The following GABRG3 variants were observed in gnomAD, a reference collection of about 807,000 sequenced individuals.
GABRG3 encodes the protein gamma-aminobutyric acid receptor subunit gamma-3.
Under a neutral mutation model 48.8 loss-of-function variants are expected in GABRG3, and 25 were observed. The ratio of observed to expected loss-of-function variants is 0.51; its 90% CI spans 0.37 to 0.72. GABRG3 has a LOEUF of 0.72. GABRG3 is among the 30% of genes least tolerant of loss of function. The probability of loss-of-function intolerance (pLI) is 0.00; values close to 1 mark genes in which losing one functional copy is unlikely to be tolerated. For missense variants in GABRG3, 394 were observed against 577.9 expected, an observed-to-expected ratio of 0.68 and a Z score of 3.26; for synonymous variants, 227 against 217.6, an observed-to-expected ratio of 1.04 and a Z score of -0.38.
At position 27,178,821 on chromosome 15, in the gene GABRG3, A is replaced by G. The variant is rs1887829509; in HGVS notation, c.271-147988A>G. Among the ~76,000 whole-genome samples, 3 of 152,222 alleles carry G rather than the reference A, an allele frequency of 2.0e-5. No individual in the cohort carries two copies. In the South Asian group the frequency reaches 6.2e-4, roughly 31 times the overall value. On this transcript the variant is annotated intron_variant, in intron 3 of 9. Transcript: ENST00000615808. Reference sequence around the variant, plus strand: ...CTGGGTATGAGGCAGGCCCCTCTCTAGAATGGGGGTCTGATGACCTACAGT... The same window carrying G: ...CTGGGTATGAGGCAGGCCCCTCTCTGGAATGGGGGTCTGATGACCTACAGT...
At chr15:27,355,617 A>G (rs115240522) in intron 5 of GABRG3, among the ~76,000 whole-genome samples, 1,539 of 152,388 alleles carry the variant, frequency 0.01, 32 homozygotes, top group African/African-American at 0.035. Flanking sequence ...TCAAATGTTA[A>G]GTATATAGCA....
chr15:27,340,585 G>T (rs1894137180), intron 5 of GABRG3: 1 of 154,156 alleles, frequency 6.5e-6, no homozygotes, highest in African/African-American at 2.4e-5. Context: ...TCTGTCAAAG[G>T]CAAATTTTGC....
chr15:27,065,516 A>G (rs60716804), intron 3 of GABRG3, among the ~76,000 whole-genome samples: 3,953 of 152,252 alleles, frequency 0.026, 153 homozygotes, highest in African/African-American at 0.076. Context: ...GTGAGTAGCC[A>G]GTGGGTCTCG....
chr15:27,068,653 G>C (rs1328608929), intron 3 of GABRG3, among the ~76,000 whole-genome samples: 1 of 152,236 alleles, frequency 6.6e-6, no homozygotes, highest in African/African-American at 2.4e-5. Context: ...GGCATGGATT[G>C]ATACTTGGAA....
chr15:27,169,418 G>GAA (rs1204288194), intron 3 of GABRG3, among the ~76,000 whole-genome samples: 1 of 152,142 alleles, frequency 6.6e-6, no homozygotes, highest in African/African-American at 2.4e-5. Context: ...GCCAGTGAGT[G>GAA]AAAGGAGGGG....
chr15:27,404,381 G>A (rs1005361648), intron 5 of GABRG3, among the ~76,000 whole-genome samples: 1 of 152,170 alleles, frequency 6.6e-6, no homozygotes, highest in Non-Finnish European at 1.5e-5. Flanking sequence ...CCTGCAGCAT[G>A]TCAGTGCTGT....
chr15:27,388,616 G>A (rs1197791087), intron 5 of GABRG3, among the ~76,000 whole-genome samples: 3 of 152,232 alleles, frequency 2.0e-5, no homozygotes, highest in South Asian at 4.1e-4. Flanking sequence ...AGAGCTGTGG[G>A]GTGCTGGGAT....
At chr15:27,440,666 C>G (rs191591961) in intron 5 of GABRG3, among the ~76,000 whole-genome samples, 1 of 152,150 alleles carries the variant, frequency 6.6e-6, no homozygotes, top group Non-Finnish European at 1.5e-5. Context: ...TGTATCACAC[C>G]GATGAGGTCT....
Position 27,511,838 on chromosome 15 carries a change from A to T in GABRG3, c.713-8134A>T, listed in dbSNP as rs531887654. ...TCCAATGGCAAACCGTTCTTACTTT[A>T]CACAGGTAGTCAATAATCTAATAGG... On this transcript the variant is annotated intron_variant, in intron 6 of 9. Transcript: ENST00000615808. Among the ~76,000 whole-genome samples the T allele has an allele frequency of 4.5e-4, 69 of 152,246 alleles. 1 individual carries two copies. Among genetic ancestry groups the T allele is most frequent in the Non-Finnish European group, 7.5e-4 (51 of 68,042 alleles).
chr15:26,982,593 A>G lies in GABRG3; in HGVS notation c.202+5443A>G, dbSNP rs577324445. On this transcript the variant is annotated intron_variant, in intron 2 of 9. Transcript: ENST00000615808. The stretch of plus-strand genomic sequence containing the variant: ...GTGCTGCCATGTGCAATAGGCAAGC[A>G]AAATTCACAATTCTAGAGATTTTTC... Among the ~76,000 whole-genome samples, 3 of 152,360 alleles carry G rather than the reference A, an allele frequency of 2.0e-5. No individual in the cohort carries two copies. In the East Asian group the frequency reaches 5.8e-4, roughly 29 times the overall value.
chr15:27,505,500 T>C (rs567025321), intron 6 of GABRG3, among the ~76,000 whole-genome samples: 100 of 152,194 alleles, frequency 6.6e-4, no homozygotes, highest in Admixed American at 3.0e-3. Context: ...GCTAGAAGCT[T>C]TTAATTATAA....
intron 3 of GABRG3, among the ~76,000 whole-genome samples, chr15:27,110,814 G>A (rs1210042338): frequency 6.6e-6 from 1 of 152,062 alleles, no homozygotes; most frequent in Non-Finnish European, 1.5e-5. Flanking sequence ...CTTCTATCAG[G>A]ATATTCCATT....
chr15:27,231,005 T>A (rs1889777369), intron 3 of GABRG3, among the ~76,000 whole-genome samples: 1 of 132,372 alleles, frequency 7.6e-6, no homozygotes, highest in Admixed American at 7.3e-5. Flanking sequence ...TTTAAAACAG[T>A]AAAATGTGTG....
chr15:27,256,904 T>A (rs1858142147), intron 3 of GABRG3, among the ~76,000 whole-genome samples: 1 of 152,222 alleles, frequency 6.6e-6, no homozygotes, highest in South Asian at 2.1e-4. Flanking sequence ...CTCCTGGACA[T>A]ACTGATGTCA....
chr15:27,397,712 A>G (rs1887350974), intron 5 of GABRG3, among the ~76,000 whole-genome samples: 1 of 152,040 alleles, frequency 6.6e-6, no homozygotes, highest in African/African-American at 2.4e-5. Flanking sequence ...TATGAAGTAG[A>G]GGATTTTCGT....
At chr15:27,512,614 C>G (rs16950123) in intron 6 of GABRG3, among the ~76,000 whole-genome samples, 15,763 of 152,256 alleles carry the variant, frequency 0.1, 1,899 homozygotes, top group African/African-American at 0.29. Context: ...TAAACTCCTG[C>G]AACTAGTTGA....
At chr15:27,097,756 C>T (rs1399223925) in intron 3 of GABRG3, among the ~76,000 whole-genome samples, 2 of 152,040 alleles carry the variant, frequency 1.3e-5, no homozygotes, top group South Asian at 2.1e-4. Context: ...GCAGGCCACT[C>T]AACAGCCTGA....
chr15:27,097,194 G>A (rs1897279569), intron 3 of GABRG3, among the ~76,000 whole-genome samples: 1 of 151,936 alleles, frequency 6.6e-6, no homozygotes, highest in African/African-American at 2.4e-5. Flanking sequence ...CAGACTTTGA[G>A]CTCTGGTGGG....
At chr15:27,412,703 A>T (rs915094746) in intron 5 of GABRG3, among the ~76,000 whole-genome samples, 5 of 152,206 alleles carry the variant, frequency 3.3e-5, no homozygotes, top group African/African-American at 1.2e-4. Context: ...TTCTAATGCA[A>T]AGCCACCCTG....
Sources: allele counts gnomAD v4.1 joint callset (sites outside exome capture counted in the v4.1 genomes callset), GRCh38; gene constraint gnomAD v4.1.1; transcripts MANE v1.5; gene names NCBI Gene and HGNC (gene_info 2026-07-23, HGNC 2026-07-21).